The following TATDN1 variants were observed in gnomAD, a reference collection of about 807,000 sequenced individuals.
TATDN1 encodes TatD DNase domain containing 1.
Under a neutral mutation model 46.4 loss-of-function variants are expected in TATDN1, and 40 were observed. The ratio of observed to expected loss-of-function variants is 0.86; its 90% CI spans 0.67 to 1.12. The LOEUF (loss-of-function observed/expected upper bound fraction) is 1.12. Among genes scored for constraint, TATDN1 ranks in the 50% most tolerant of loss-of-function variants. TATDN1 has a pLI of 0.00. For synonymous variants in TATDN1, 95 were observed against 105.6 expected, an observed-to-expected ratio of 0.90 and a Z score of 0.62; for missense variants, 326 against 348.4, an observed-to-expected ratio of 0.94 and a Z score of 0.51.
chr8:124,528,931 C>T (rs1036538641), intron 1 of TATDN1, among the ~76,000 whole-genome samples: 3 of 152,274 alleles, frequency 2.0e-5, no homozygotes, highest in Non-Finnish European at 2.9e-5. Flanking sequence ...ACAAAGGTCA[C>T]GAGAAGCCTG....
chr8:124,491,929 C>T (rs1817030180), intron 11 of TATDN1, among the ~76,000 whole-genome samples: 1 of 150,962 alleles, frequency 6.6e-6, no homozygotes, highest in African/African-American at 2.4e-5. Context: ...TTTTCCTAAG[C>T]TCTGCAACTA....
intron 9 of TATDN1, among the ~76,000 whole-genome samples, chr8:124,496,983 A>G (rs1270279282): frequency 2.6e-5 from 4 of 152,210 alleles, no homozygotes; most frequent in Non-Finnish European, 5.9e-5. Flanking sequence ...ATCTCTGAGC[A>G]TAAGGATTCT....
intron 6 of TATDN1, 23 bp downstream of exon 6, chr8:124,515,723 G>A (rs1819401051): frequency 3.1e-6 from 5 of 1,608,094 alleles, no homozygotes; most frequent in Non-Finnish European, 4.3e-6. Context: ...ACAATAATTT[G>A]TAAAGCCAAC....
intron 1 of TATDN1, among the ~76,000 whole-genome samples, chr8:124,535,446 T>C (rs1261667849): frequency 6.6e-6 from 1 of 152,228 alleles, no homozygotes; most frequent in Non-Finnish European, 1.5e-5. Context: ...TGTGTGGCTC[T>C]AAATGGGATA....
At chr8:124,531,873 T>G (rs1820990328) in intron 1 of TATDN1, among the ~76,000 whole-genome samples, 1 of 152,090 alleles carries the variant, frequency 6.6e-6, no homozygotes, top group South Asian at 2.1e-4. Context: ...TTCTAATGGG[T>G]TAGATTATGT....
At chr8:124,490,548 T>A (rs1276449078) in intron 11 of TATDN1, among the ~76,000 whole-genome samples, 1 of 152,068 alleles carries the variant, frequency 6.6e-6, no homozygotes, top group Non-Finnish European at 1.5e-5. Context: ...TATTGGAGCT[T>A]AGGACATCCT....
intron 8 of TATDN1, 53 bp from the exon 9 acceptor site, chr8:124,504,400 C>T (rs757886075): frequency 1.3e-4 from 163 of 1,299,532 alleles, no homozygotes; most frequent in Non-Finnish European, 1.6e-4. Context: ...CTTTAAAATT[C>T]TAAGTGACAT....
intron 9 of TATDN1, among the ~76,000 whole-genome samples, chr8:124,501,850 C>A (rs1029371994): frequency 1.2e-4 from 18 of 152,252 alleles, no homozygotes; most frequent in African/African-American, 4.1e-4. Context: ...CATCAACACA[C>A]ACCTTCGTGA....
At chr8:124,516,535 C>T (rs4535724) in intron 4 of TATDN1, among the ~76,000 whole-genome samples, 15,755 of 151,778 alleles carry the variant, frequency 0.1, 912 homozygotes, top group Non-Finnish European at 0.13. Context: ...GTCTCGAACT[C>T]CTGAGCTCAA....
chr8:124,537,658 T>C (rs533540577), intron 1 of TATDN1, among the ~76,000 whole-genome samples: 7 of 152,340 alleles, frequency 4.6e-5, no homozygotes, highest in Non-Finnish European at 8.8e-5. Flanking sequence ...TAAAAAGTTA[T>C]GTGGCCTTTC....
intron 1 of TATDN1, among the ~76,000 whole-genome samples, chr8:124,538,683 G>A (rs1043184909): frequency 6.6e-6 from 1 of 152,190 alleles, no homozygotes; most frequent in Non-Finnish European, 1.5e-5. Context: ...AGAGGGGAAG[G>A]GCCGGGAGGT....
At chr8:124,530,825 G>T (rs191218542) in intron 1 of TATDN1, among the ~76,000 whole-genome samples, 4 of 152,234 alleles carry the variant, frequency 2.6e-5, no homozygotes, top group African/African-American at 9.6e-5. Context: ...TCCTGGCCCT[G>T]GGTCTCATGA....
intron 1 of TATDN1, among the ~76,000 whole-genome samples, chr8:124,538,098 A>G (rs1380188664): frequency 2.0e-5 from 3 of 152,094 alleles, no homozygotes; most frequent in African/African-American, 7.2e-5. Context: ...GGACCTGGGT[A>G]CCTCTCTTCA....
rs545824756 is a variant in TATDN1, at chr8:124,494,007, A to T, written c.665-48T>A. The T allele has an allele frequency of 4.7e-5, 72 of 1,530,700 alleles. No homozygotes were observed. In the South Asian group the frequency reaches 6.2e-4, roughly 13 times the overall value. The allele number at this position is 1,530,700 out of a possible 1,614,324, so 94.8% of individuals were successfully genotyped here. A position where few individuals can be genotyped will look rare whatever the true frequency, so the allele number is the denominator to read the frequency against. On this transcript the variant is annotated intron_variant, in intron 10 of 11. Coordinates refer to ENST00000276692, the MANE Select transcript of TATDN1 (RefSeq NM_032026.4). ...TCGTAAGGGGTTTACATTTTTAAAA[A>T]TTTTTTATGACCATTATCTAATATA... is the stretch of plus-strand genomic sequence containing the variant.
chr8:124,507,848 G>T (rs1041451948), intron 8 of TATDN1, among the ~76,000 whole-genome samples: 3 of 150,940 alleles, frequency 2.0e-5, no homozygotes, highest in African/African-American at 7.3e-5. Flanking sequence ...GTTTTCTTGT[G>T]AATGGAATTC....
chr8:124,512,254 C>T (rs1819090368), intron 6 of TATDN1, among the ~76,000 whole-genome samples: 1 of 152,112 alleles, frequency 6.6e-6, no homozygotes, highest in South Asian at 2.1e-4. Flanking sequence ...GAAACTCTGT[C>T]TCTACTAAAA....
chr8:124,492,684 G>T (rs1404383347), intron 11 of TATDN1, among the ~76,000 whole-genome samples: 3 of 150,190 alleles, frequency 2.0e-5, no homozygotes, highest in African/African-American at 7.4e-5. Context: ...AACCCAGGAG[G>T]CGGAGATTGC....
At chr8:124,536,471 TAGG>T (rs1385631337) in intron 1 of TATDN1, among the ~76,000 whole-genome samples, 2 of 152,014 alleles carry the variant, frequency 1.3e-5, no homozygotes, top group African/African-American at 4.8e-5. Context: ...CACTTGAGCC[TAGG>T]AGGTCAATGC....
intron 3 of TATDN1, 51 bp downstream of exon 3, chr8:124,522,100 T>C (rs759526754): frequency 1.5e-6 from 2 of 1,324,050 alleles, no homozygotes; most frequent in South Asian, 1.3e-5. Flanking sequence ...AACTAAAATT[T>C]AGTTAAAAAA....
Sources: allele counts gnomAD v4.1 joint callset (sites outside exome capture counted in the v4.1 genomes callset), GRCh38; gene constraint gnomAD v4.1.1; transcripts MANE v1.5; gene names NCBI Gene and HGNC (gene_info 2026-07-23, HGNC 2026-07-21).